Variants in CTNNA2 observed in about 807,000 individuals in gnomAD.
CTNNA2 encodes catenin alpha 2.
In CTNNA2, 42 loss-of-function variants were observed where a neutral mutation model predicts 101.0. That is an observed-to-expected ratio of 0.42 (90% CI 0.32 to 0.54). The LOEUF (loss-of-function observed/expected upper bound fraction) is 0.54. Ranked by LOEUF, CTNNA2 falls within the 20% of genes least tolerant of loss-of-function variation. The pLI, the probability that CTNNA2 is intolerant of heterozygous loss-of-function variation, is 0.14. For missense variants in CTNNA2, 871 were observed against 1,223.1 expected (o/e 0.71, Z 4.29); for synonymous variants, 450 against 456.4 (o/e 0.99, Z 0.18).
chr2:79,352,614 TA>T (rs1357406950), intron 3 of CTNNA2, among the ~76,000 whole-genome samples: 1 of 152,198 alleles, frequency 6.6e-6, no homozygotes, highest in Admixed American at 6.5e-5. Flanking sequence ...GATTATTTCA[TA>T]CCTTCTACTA....
intron 6 of CTNNA2, among the ~76,000 whole-genome samples, chr2:79,898,155 A>G (rs556500410): frequency 2.4e-4 from 37 of 151,990 alleles, no homozygotes; most frequent in African/African-American, 8.7e-4. Flanking sequence ...TTTTTTTGAG[A>G]TGGAGTCTCA....
At chr2:79,248,426 T>A (rs538062879) in intron 2 of CTNNA2, among the ~76,000 whole-genome samples, 2 of 152,094 alleles carry the variant, frequency 1.3e-5, no homozygotes, top group Non-Finnish European at 2.9e-5. Context: ...ATGAGTTTTT[T>A]AATATAATTT....
At chr2:80,419,954 A>G (rs1680374037) in intron 9 of CTNNA2, among the ~76,000 whole-genome samples, 1 of 145,236 alleles carries the variant, frequency 6.9e-6, no homozygotes, top group Non-Finnish European at 1.5e-5. Flanking sequence ...GGCCTAGGAC[A>G]CTTCTCCCTT....
chr2:80,133,716 C>A (rs1702539479), intron 7 of CTNNA2, among the ~76,000 whole-genome samples: 1 of 152,168 alleles, frequency 6.6e-6, no homozygotes, highest in South Asian at 2.1e-4. Context: ...AATCAGATAA[C>A]CTTGACAGGT....
intron 3 of CTNNA2, among the ~76,000 whole-genome samples, chr2:79,827,489 G>T (rs1158266167): frequency 6.6e-6 from 1 of 152,190 alleles, no homozygotes; most frequent in Admixed American, 6.5e-5. Flanking sequence ...TCACTTATTT[G>T]ATGCAAACTG....
intron 2 of CTNNA2, among the ~76,000 whole-genome samples, chr2:79,263,386 C>A (rs1324545421): frequency 6.6e-6 from 1 of 152,116 alleles, no homozygotes; most frequent in Non-Finnish European, 1.5e-5. Context: ...CCCCAACTGT[C>A]TTGCTCCCTC....
intron 3 of CTNNA2, among the ~76,000 whole-genome samples, chr2:79,778,079 T>A (rs1053925600): frequency 6.6e-6 from 1 of 152,072 alleles, no homozygotes; most frequent in Non-Finnish European, 1.5e-5. Flanking sequence ...CGGTGGCTCA[T>A]GCCTGTAATT....
intron 7 of CTNNA2, among the ~76,000 whole-genome samples, chr2:80,102,184 A>G (rs1479169946): frequency 6.6e-6 from 1 of 152,110 alleles, no homozygotes; most frequent in African/African-American, 2.4e-5. Flanking sequence ...TCCACTCAGT[A>G]TTACAACTAA....
At chr2:79,642,779 T>G (rs566755708) in intron 1 of CTNNA2, among the ~76,000 whole-genome samples, 2 of 54,336 alleles carry the variant, frequency 3.7e-5, no homozygotes, top group South Asian at 1.3e-3. Flanking sequence ...ATTTCTCCTG[T>G]TTTTTTTTTT....
intron 7 of CTNNA2, among the ~76,000 whole-genome samples, chr2:79,954,946 A>C (rs560994787): frequency 6.6e-6 from 1 of 152,184 alleles, no homozygotes; most frequent in Non-Finnish European, 1.5e-5. Flanking sequence ...CTTCAGAAGA[A>C]ATACCCTTCT....
At chr2:79,420,291 G>A (rs1011400005) in intron 4 of CTNNA2, among the ~76,000 whole-genome samples, 4 of 152,110 alleles carry the variant, frequency 2.6e-5, no homozygotes, top group African/African-American at 9.7e-5. Context: ...CATGAAGCAG[G>A]GGCTCAATGT....
intron 2 of CTNNA2, among the ~76,000 whole-genome samples, chr2:79,269,548 T>C (rs1675034754): frequency 6.6e-6 from 1 of 152,104 alleles, no homozygotes; most frequent in African/African-American, 2.4e-5. Context: ...AAAAAACAAG[T>C]TCCTCAGGTT....
At chr2:79,676,763 A>C (rs779884321) in intron 2 of CTNNA2, among the ~76,000 whole-genome samples, 2 of 152,242 alleles carry the variant, frequency 1.3e-5, no homozygotes, top group Admixed American at 6.5e-5. Flanking sequence ...ATAAACTCAC[A>C]GCCACCCTGA....
chr2:79,880,092 T>C lies in CTNNA2; in HGVS notation c.852+5750T>C, dbSNP rs139198268. Among the ~76,000 whole-genome samples the C allele has an allele frequency of 5.3e-3, 812 of 152,286 alleles. 11 individuals carry two copies. Among genetic ancestry groups the C allele is most frequent in the African/African-American group, 0.019 (769 of 41,560 alleles). On this transcript the variant is annotated intron_variant, in intron 6 of 18. Coordinates refer to ENST00000402739, the MANE Select transcript of CTNNA2 (RefSeq NM_001282597.3). ...TTGAGATAATCATGTGGTTTTGTCT[T>C]TGGTTCTGTTTATGTGATGGATTAC...
chr2:79,766,114 C>T, intron 3 of CTNNA2, among the ~76,000 whole-genome samples: 1 of 152,138 alleles, frequency 6.6e-6, no homozygotes, highest in East Asian at 1.9e-4. Context: ...CTTATTGTTA[C>T]CAGTAAGTTT....
At chr2:80,440,728 C>T (rs1486646078) in intron 9 of CTNNA2, among the ~76,000 whole-genome samples, 8 of 152,100 alleles carry the variant, frequency 5.3e-5, no homozygotes, top group Non-Finnish European at 1.2e-4. Flanking sequence ...GATCTAAATG[C>T]TATGAAAGCA....
intron 7 of CTNNA2, among the ~76,000 whole-genome samples, chr2:80,005,111 G>T (rs1038399829): frequency 6.6e-6 from 1 of 152,148 alleles, no homozygotes; most frequent in Non-Finnish European, 1.5e-5. Context: ...GTACTGGTTG[G>T]AAGTAACACA....
chr2:80,420,033 T>TGA (rs1680384364), intron 9 of CTNNA2, among the ~76,000 whole-genome samples: 1 of 61,170 alleles, frequency 1.6e-5, no homozygotes, highest in South Asian at 5.6e-4. Flanking sequence ...TGGGAACTTG[T>TGA]GAAAAAAAAA....
intron 7 of CTNNA2, among the ~76,000 whole-genome samples, chr2:80,076,191 C>T (rs182975619): frequency 1.1e-4 from 16 of 152,044 alleles, no homozygotes; most frequent in African/African-American, 3.1e-4. Flanking sequence ...AGCCTTGTGC[C>T]GGGTCTAGGG....
Sources: gnomAD v4.1 joint callset for allele counts (sites outside exome capture counted in the v4.1 genomes callset) on GRCh38, gnomAD v4.1.1 for gene constraint, MANE v1.5 for transcripts, NCBI Gene and HGNC (gene_info 2026-07-23, HGNC 2026-07-21) for gene names.